SCAPER: variants seen among roughly 807,000 people sequenced by gnomAD.
The protein encoded by SCAPER is S-phase cyclin A associated protein in the ER, also known as S phase cyclin A-associated protein in the endoplasmic reticulum.
Under a neutral mutation model 182.2 loss-of-function variants are expected in SCAPER, and 98 were observed. The observed-to-expected ratio is 0.54, with a 90% CI of 0.46 to 0.64. The LOEUF is 0.64. SCAPER is among the 30% of genes least tolerant of loss of function. The pLI, the probability that SCAPER is intolerant of heterozygous loss-of-function variation, is 0.00. For missense variants in SCAPER, 1,432 were observed against 1,690.0 expected (o/e 0.85, Z 2.68); for synonymous variants, 605 against 564.6 (o/e 1.07, Z -1.01).
intron 2 of SCAPER, among the ~76,000 whole-genome samples, chr15:76,867,321 G>T (rs1211865860): frequency 6.6e-6 from 1 of 152,052 alleles, no homozygotes; most frequent in Non-Finnish European, 1.5e-5. Flanking sequence ...ATTCAGAAAA[G>T]AACCTTTCTC....
chr15:76,454,842 C>G (rs926925749), intron 25 of SCAPER, among the ~76,000 whole-genome samples: 2 of 151,316 alleles, frequency 1.3e-5, no homozygotes, highest in Non-Finnish European at 2.9e-5. Context: ...ATTATTTAGG[C>G]CTGGTGCTTT....
chr15:76,675,182 G>T (rs1202929310), intron 20 of SCAPER, among the ~76,000 whole-genome samples: 1 of 152,164 alleles, frequency 6.6e-6, no homozygotes, highest in African/African-American at 2.4e-5. Flanking sequence ...GTTTACAAAA[G>T]AGTCATTTTG....
chr15:76,795,253 C>A lies in SCAPER; in HGVS notation c.772+27G>T, dbSNP rs779605329. 44 of 1,597,924 alleles carry A rather than the reference C, an allele frequency of 2.8e-5. No individual in the cohort carries two copies. The South Asian group carries it at 4.9e-4, about 18-fold the overall frequency. ...TCTATATATCCACCTGTTTACTACA[C>A]AAAATGGCTAATTCGAAGTCACTTG... On this transcript the variant is annotated intron_variant, in intron 8 of 31. Transcript: ENST00000563290.
intron 5 of SCAPER, among the ~76,000 whole-genome samples, chr15:76,806,736 G>A (rs2066187755): frequency 6.6e-6 from 1 of 152,022 alleles, no homozygotes; most frequent in Non-Finnish European, 1.5e-5. Context: ...ATTTTTCGTA[G>A]TTTCTTTCAA....
intron 22 of SCAPER, among the ~76,000 whole-genome samples, chr15:76,593,341 C>T (rs1355177113): frequency 8.2e-6 from 1 of 121,492 alleles, no homozygotes; most frequent in Admixed American, 9.3e-5. Flanking sequence ...ATAGATAAAA[C>T]TCCCATCTCC....
In SCAPER at chr15:76,665,668, G is replaced by C; in HGVS notation, c.2630C>G (p.Ala877Gly). ...KNKKKAKKIK[A>G]RMNFRAKEYE... is the part of the protein sequence containing the mutation. ...TTTAAGGTACCTGAAGTTCATCCGG[G>C]CTTTTATCTTTTTGGCTTTTTTTTT... is the stretch of plus-strand genomic sequence containing the variant. Residue 877 changes from alanine (A) to glycine (G), a missense_variant, in exon 21 of 32, where the codon GCC becomes GGC. Coordinates refer to ENST00000563290, the MANE Select transcript of SCAPER (RefSeq NM_020843.4). The C allele has an allele frequency of 6.3e-7, 1 of 1,593,710 alleles. No homozygotes were observed. Among genetic ancestry groups the C allele is most frequent in the African/African-American group, 1.4e-5 (1 of 74,000 alleles).
chr15:76,402,650 G>T (rs1286447159), intron 27 of SCAPER, among the ~76,000 whole-genome samples: 1 of 152,022 alleles, frequency 6.6e-6, no homozygotes, highest in Non-Finnish European at 1.5e-5. Flanking sequence ...ACCTAACTTG[G>T]TGTTTGGCAC....
chr15:76,860,178 C>A (rs955578921), intron 3 of SCAPER, among the ~76,000 whole-genome samples: 2 of 152,160 alleles, frequency 1.3e-5, no homozygotes, highest in South Asian at 4.2e-4. Flanking sequence ...AATAGAAACA[C>A]CTTTGAACTA....
intron 24 of SCAPER, among the ~76,000 whole-genome samples, chr15:76,472,708 G>T (rs1192746478): frequency 6.6e-6 from 1 of 152,072 alleles, no homozygotes; most frequent in African/African-American, 2.4e-5. Context: ...GTTGTATTGT[G>T]GGGAAGGGTC....
intron 24 of SCAPER, among the ~76,000 whole-genome samples, chr15:76,484,675 C>G (rs1596943946): frequency 6.6e-6 from 1 of 152,008 alleles, no homozygotes; most frequent in African/African-American, 2.4e-5. Context: ...TGCTGGCAAA[C>G]TGAATCCAGC....
chr15:76,488,713 CCTT>C (rs2051923150), intron 24 of SCAPER, among the ~76,000 whole-genome samples: 1 of 59,580 alleles, frequency 1.7e-5, no homozygotes, highest in Non-Finnish European at 3.2e-5. Flanking sequence ...CAGTACACTG[CCTT>C]TTTTTTTTTT....
chr15:76,636,950 A>G (rs2053652468), intron 21 of SCAPER, among the ~76,000 whole-genome samples: 1 of 152,122 alleles, frequency 6.6e-6, no homozygotes, highest in Non-Finnish European at 1.5e-5. Flanking sequence ...TTATAAGGAA[A>G]GATAACTTTA....
intron 27 of SCAPER, among the ~76,000 whole-genome samples, chr15:76,383,157 T>A (rs1334331497): frequency 1.3e-5 from 2 of 151,744 alleles, no homozygotes; most frequent in Non-Finnish European, 2.9e-5. Flanking sequence ...CACATATATA[T>A]AGGTTGTCAT....
intron 7 of SCAPER, chr15:76,797,610 T>G (rs531202190): frequency 6.6e-6 from 1 of 152,304 alleles, no homozygotes; most frequent in South Asian, 2.1e-4. Flanking sequence ...TGCCAGAGCA[T>G]TCAAAGTATG....
chr15:76,544,831 T>C (rs1470172995), intron 23 of SCAPER, among the ~76,000 whole-genome samples: 1 of 152,178 alleles, frequency 6.6e-6, no homozygotes, highest in Non-Finnish European at 1.5e-5. Flanking sequence ...TTAAATCTCT[T>C]TAAGGTTGAT....
chr15:76,656,852 GA>G (rs2055681221), intron 21 of SCAPER, among the ~76,000 whole-genome samples: 1 of 151,954 alleles, frequency 6.6e-6, no homozygotes, highest in Admixed American at 6.5e-5. Flanking sequence ...AAACTAATGA[GA>G]AAAAAAGATA....
At position 76,634,217 on chromosome 15, in the gene SCAPER, G is replaced by C. The variant is rs573341784; in HGVS notation, c.2646-12388C>G. ...AGCATAGTCCCTCACTGCCTCCCTT[G>C]CCTGGGGGAGGGAGCTCCCTTTGCC... On this transcript the variant is annotated intron_variant, in intron 21 of 31. Transcript: ENST00000563290. Among the ~76,000 whole-genome samples, 6 of 152,330 alleles carry C rather than the reference G, an allele frequency of 3.9e-5. No homozygotes were observed. The South Asian group carries it at 1.2e-3, about 32-fold the overall frequency.
chr15:76,894,167 G>A (rs564667703), intron 1 of SCAPER, among the ~76,000 whole-genome samples: 115 of 152,172 alleles, frequency 7.6e-4, no homozygotes, highest in Non-Finnish European at 1.2e-3. Flanking sequence ...CAGGAGAATC[G>A]CTTGACCCTG....
intron 4 of SCAPER, among the ~76,000 whole-genome samples, chr15:76,845,205 T>C (rs1424700210): frequency 2.0e-5 from 3 of 152,098 alleles, no homozygotes; most frequent in South Asian, 2.1e-4. Flanking sequence ...CTACTGGGCA[T>C]AGAAGGAACA....
Sources: allele counts gnomAD v4.1 joint callset (sites outside exome capture counted in the v4.1 genomes callset), GRCh38; gene constraint gnomAD v4.1.1; transcripts MANE v1.5; gene names NCBI Gene and HGNC (gene_info 2026-07-23, HGNC 2026-07-21).